PPT2: variants seen among roughly 807,000 people sequenced by gnomAD.
PPT2 encodes the protein lysosomal thioesterase PPT2.
In PPT2, 20 loss-of-function variants were observed where a neutral mutation model predicts 37.3. That is an observed-to-expected ratio of 0.54 (90% CI 0.38 to 0.78). The LOEUF (loss-of-function observed/expected upper bound fraction) is 0.78. PPT2 is among the 30% of genes least tolerant of loss of function. PPT2 has a pLI of 0.00. For synonymous variants in PPT2, 135 were observed against 159.1 expected, an observed-to-expected ratio of 0.85 and a Z score of 1.14; for missense variants, 270 against 389.8, an observed-to-expected ratio of 0.69 and a Z score of 2.59.
In PPT2 at chr6:32,154,753, C is replaced by A; in HGVS notation, c.159C>A (p.Arg53=). 2 of 1,612,928 alleles carry A rather than the reference C, an allele frequency of 1.2e-6. No homozygotes were observed. The highest frequency in any genetic ancestry group is 1.7e-6 in the Non-Finnish European group (2 of 1,179,798). The change falls in exon 2 of 9, where the codon CGC becomes CGA. Residue 53 remains arginine (R), a synonymous_variant. Coordinates refer to ENST00000324816, the MANE Select transcript of PPT2 (RefSeq NM_005155.7). The surrounding 1 kb of genome is among the most constrained non-coding windows in gnomAD (Gnocchi z 7.3). ...TCTTCGACAGCTCGTACAGCTTCCG[C>A]CACCTGCTGGAATACATCAATGAGG... The part of the protein sequence containing the change: ...HGLFDSSYSF[R]HLLEYINETH...
At position 32,156,075 on chromosome 6, in the gene PPT2, C is replaced by T; in HGVS notation, c.541+97C>T. 4 of 976,804 alleles carry T rather than the reference C, an allele frequency of 4.1e-6. No homozygotes were observed. The highest frequency in any genetic ancestry group is 6.4e-6 in the Non-Finnish European group (4 of 628,060). 60.5% of individuals were successfully genotyped at this position (976,804 alleles called of 1,614,324 possible). On this transcript the variant is annotated intron_variant, in intron 5 of 8. Coordinates refer to ENST00000324816, the MANE Select transcript of PPT2 (RefSeq NM_005155.7). The surrounding 1 kb of genome is among the most constrained non-coding windows in gnomAD (Gnocchi z 4.9). ...CAGTGATGACAATAAAGATAACTTACATTTATTGAGTTATTTGAACAGGCT... is the reference window on the plus strand; with the variant it reads ...CAGTGATGACAATAAAGATAACTTATATTTATTGAGTTATTTGAACAGGCT...
In PPT2 at chr6:32,156,645, T is replaced by G. The variant is rs1172870148; in HGVS notation, c.541+667T>G. On this transcript the variant is annotated intron_variant, in intron 5 of 8. Transcript: ENST00000324816. This position sits in a 1 kb window ranked among gnomAD's most constrained non-coding sequence, Gnocchi z 4.9. ...TACAAAAACAAGTAGCAGGCTGGATTTGGTCCTTTGGTCACAGTTTGCCAA... is the reference window on the plus strand; with the variant it reads ...TACAAAAACAAGTAGCAGGCTGGATGTGGTCCTTTGGTCACAGTTTGCCAA... Among the ~76,000 whole-genome samples the G allele has an allele frequency of 1.3e-5, 2 of 152,162 alleles. No homozygotes were observed. The highest frequency in any genetic ancestry group is 4.8e-5 in the African/African-American group (2 of 41,432).
At chr6:32,158,975 TTTC>T (rs1783967436) in intron 7 of PPT2, among the ~76,000 whole-genome samples, 1 of 152,152 alleles carries the variant, frequency 6.6e-6, no homozygotes, top group Admixed American at 6.5e-5. Context: ...GATATTTTTT[TTTC>T]TTTTTTTTGT....
At chr6:32,153,689 G>A (rs1561808256), upstream of PPT2, 7 of 1,560,950 alleles carry the variant, frequency 4.5e-6, no homozygotes, top group Non-Finnish European at 6.1e-6. This position sits in a 1 kb window ranked among gnomAD's most constrained non-coding sequence, Gnocchi z 4.4. Context: ...GGGTGTTGAG[G>A]GGCACGCCCG....
Position 32,154,922 on chromosome 6 carries a change from G to C in PPT2, c.184-108G>C, listed in dbSNP as rs1783650294. 6.5e-7 allele frequency: 1 copy of C among 1,548,682 alleles called. No individual in the cohort carries two copies. ...GGCGTGGGGGAGAGTTGGGGGACGGGATCCCTGGTTCTAGCAGGGTACAAT... is the reference window on the plus strand; with the variant it reads ...GGCGTGGGGGAGAGTTGGGGGACGGCATCCCTGGTTCTAGCAGGGTACAAT... On this transcript the variant is annotated intron_variant, in intron 2 of 8. Transcript: ENST00000324816. This position sits in a 1 kb window ranked among gnomAD's most constrained non-coding sequence, Gnocchi z 7.3.
In PPT2 at chr6:32,154,303, T is replaced by C; in HGVS notation, c.-110T>C. 2.2e-6 allele frequency: 3 copies of C among 1,361,760 alleles called. No homozygotes were observed. The highest frequency in any genetic ancestry group is 2.7e-4 in the Middle Eastern group (1 of 3,668). 84.4% of individuals were successfully genotyped at this position (1,361,760 alleles called of 1,614,324 possible). Reference sequence around the variant, plus strand: ...CTGCTGCTCACGGGTATTAAAGAACTCCGCGTTGTTCATGGCTGAGGCGAT... The same window carrying C: ...CTGCTGCTCACGGGTATTAAAGAACCCCGCGTTGTTCATGGCTGAGGCGAT... On this transcript the variant is annotated 5_prime_UTR_variant, in exon 1 of 9. Transcript: ENST00000324816. This position sits in a 1 kb window ranked among gnomAD's most constrained non-coding sequence, Gnocchi z 7.3.
Position 32,162,605 on chromosome 6 carries a change from G to C in PPT2, c.748G>C (p.Glu250Gln). The change falls in exon 8 of 9, where the codon GAG (glutamate) becomes CAG (glutamine). Residue 250 changes from glutamate (E) to glutamine (Q), a missense_variant. Glu to Gln is a conservative substitution (Grantham distance 29). Coordinates refer to ENST00000324816, the MANE Select transcript of PPT2 (RefSeq NM_005155.7). The surrounding 1 kb of genome is among the most constrained non-coding windows in gnomAD (Gnocchi z 5.5). Reference sequence around the variant, plus strand: ...CTATGATGCAAATGAGACCGTCCTGGAGATGGAGGAGCAACTGGTGAGCCC... The same window carrying C: ...CTATGATGCAAATGAGACCGTCCTGCAGATGGAGGAGCAACTGGTGAGCCC... ...GFYDANETVL[E>Q]MEEQLVYLRD... The C allele has an allele frequency of 6.2e-7, 1 of 1,610,258 alleles. No homozygotes were observed. The highest frequency in any genetic ancestry group is 1.7e-5 in the Admixed American group (1 of 60,014).
intron 7 of PPT2, among the ~76,000 whole-genome samples, chr6:32,159,060 A>G (rs1783972535): frequency 6.6e-6 from 1 of 152,024 alleles, no homozygotes; most frequent in Non-Finnish European, 1.5e-5. Context: ...CATTAAGTAT[A>G]CTCACATCAT....
rs780731825 is a variant in PPT2 at position 32,162,971 on chromosome 6, AG to A, written c.*23del. The A allele has an allele frequency of 6.2e-7, 1 of 1,603,160 alleles. No homozygotes were observed. The highest frequency in any genetic ancestry group is 1.1e-5 in the South Asian group (1 of 89,546). ...CCTGAGGATATATTCAGGGGTCCCC[AG>A]GAACTCCTCGGTCCAGAGACCAAGT... On this transcript the variant is annotated 3_prime_UTR_variant, in exon 9 of 9. Transcript: ENST00000324816. The surrounding 1 kb of genome is among the most constrained non-coding windows in gnomAD (Gnocchi z 5.5).
At chr6:32,160,672 A>AC (rs1251831160) in intron 7 of PPT2, among the ~76,000 whole-genome samples, 1 of 151,818 alleles carries the variant, frequency 6.6e-6, no homozygotes, top group African/African-American at 2.4e-5. Flanking sequence ...TCTCAAAAAA[A>AC]AAAGAAAAAA....
chr6:32,159,039 C>T (rs549170533), intron 7 of PPT2, among the ~76,000 whole-genome samples: 2 of 151,964 alleles, frequency 1.3e-5, no homozygotes, highest in South Asian at 4.2e-4. Context: ...TAAAAATGTA[C>T]AGTTTTGTGG....
At chr6:32,153,664 AGGGTGGGGTG>A, upstream of PPT2, 5 of 172,798 alleles carry the variant, frequency 2.9e-5, no homozygotes, top group Non-Finnish European at 6.0e-5. The surrounding 1 kb of genome is among the most constrained non-coding windows in gnomAD (Gnocchi z 4.4). Flanking sequence ...GGCGGACTGG[AGGGTGGGGTG>A]GGGTGGGTGT....
At chr6:32,157,337 C>T (rs539676250) in intron 5 of PPT2, 48 of 456,432 alleles carry the variant, frequency 1.1e-4, no homozygotes, top group South Asian at 7.7e-4. Context: ...TCCAGCGCCC[C>T]GAGTAACTGG....
chr6:32,161,111 C>T (rs1213281669), intron 7 of PPT2, among the ~76,000 whole-genome samples: 1 of 150,794 alleles, frequency 6.6e-6, no homozygotes. Context: ...AATATATATA[C>T]ATTTATTTAT....
At chr6:32,158,026 G>T in intron 7 of PPT2, 102 bp downstream of exon 7, 2 of 998,368 alleles carry the variant, frequency 2.0e-6, no homozygotes, top group South Asian at 1.6e-5. Flanking sequence ...CCACTGTTCA[G>T]TTAGTGCTCC....
rs893639078 is a variant in PPT2, at chr6:32,162,221, C to T, written c.711-347C>T. Among the ~76,000 whole-genome samples, 1 of 151,800 alleles carries T rather than the reference C, an allele frequency of 6.6e-6. No homozygotes were observed. The highest frequency in any genetic ancestry group is 1.9e-4 in the East Asian group (1 of 5,196). ...TCCTTTTCTTTTTTCTTTCCTTTTT[C>T]CTTTCCTTTCCTTTTTGAGATGGGG... is the stretch of plus-strand genomic sequence containing the variant. On this transcript the variant is annotated intron_variant, in intron 7 of 8. Coordinates refer to ENST00000324816, the MANE Select transcript of PPT2 (RefSeq NM_005155.7). The surrounding 1 kb of genome is among the most constrained non-coding windows in gnomAD (Gnocchi z 5.5).
At position 32,154,154 on chromosome 6, in the gene PPT2, GCT is replaced by G. The variant is rs1783559235; in HGVS notation, c.-254_-253del. The G allele has an allele frequency of 9.2e-7, 1 of 1,092,272 alleles. No individual in the cohort carries two copies. 67.7% of individuals were successfully genotyped at this position (1,092,272 alleles called of 1,614,324 possible). On this transcript the variant is annotated 5_prime_UTR_variant, in exon 1 of 9. Coordinates refer to ENST00000324816, the MANE Select transcript of PPT2 (RefSeq NM_005155.7). This position sits in a 1 kb window ranked among gnomAD's most constrained non-coding sequence, Gnocchi z 7.3. ...CCCCTCCCATCCGTCATTCCCCTGC[GCT>G]CTCTTTCCTCACCCTTCCCCCCGCC...
chr6:32,153,714 C>T (rs1396518913), upstream of PPT2: 3 of 1,511,154 alleles, frequency 2.0e-6, no homozygotes, highest in Non-Finnish European at 2.7e-6. The surrounding 1 kb of genome is among the most constrained non-coding windows in gnomAD (Gnocchi z 4.4). Flanking sequence ...GGCATCAGCC[C>T]TCCAGGCCAC....
chr6:32,154,487 G>A lies in PPT2; in HGVS notation c.-9+83G>A, dbSNP rs1783592189. On this transcript the variant is annotated intron_variant, in intron 1 of 8. Transcript: ENST00000324816. The surrounding 1 kb of genome is among the most constrained non-coding windows in gnomAD (Gnocchi z 7.3). ...GTAGGCTATTTTGTGACACGGACCT[G>A]GTGTGGGAGCGAGAGGAGGTGGCTT... 1.3e-6 allele frequency: 2 copies of A among 1,520,190 alleles called. No homozygotes were observed. Among genetic ancestry groups the A allele is most frequent in the African/African-American group, 1.4e-5 (1 of 72,514 alleles). The allele number at this position is 1,520,190 out of a possible 1,614,324, so 94.2% of individuals were successfully genotyped here. A position where few individuals can be genotyped will look rare whatever the true frequency, so the allele number is the denominator to read the frequency against.
Sources: allele counts gnomAD v4.1 joint callset (sites outside exome capture counted in the v4.1 genomes callset), GRCh38; gene constraint gnomAD v4.1.1; non-coding constraint Gnocchi (gnomAD v3.1); transcripts MANE v1.5; gene names NCBI Gene and HGNC (gene_info 2026-07-23, HGNC 2026-07-21).